The following CBFA2T3 variants were observed in gnomAD, a reference collection of about 807,000 sequenced individuals.
CBFA2T3 encodes the protein transcriptional corepressor CBFA2T3.
CBFA2T3 carries 31 observed loss-of-function variants against 58.6 expected under a neutral mutation model. The ratio of observed to expected loss-of-function variants is 0.53; its 90% confidence interval spans 0.40 to 0.71. The LOEUF is 0.71. CBFA2T3 is among the 30% of genes least tolerant of loss of function. CBFA2T3 has a pLI of 0.00. For synonymous variants in CBFA2T3, 531 were observed against 421.9 expected (o/e 1.26, Z -3.17); for missense variants, 1,076 against 963.1 (o/e 1.12, Z -1.55).
At chr16:88,919,870 C>A (rs1389522750) in intron 1 of CBFA2T3, among the ~76,000 whole-genome samples, 2 of 152,224 alleles carry the variant, frequency 1.3e-5, no homozygotes, top group African/African-American at 4.8e-5. Flanking sequence ...GCCTCGGTTC[C>A]TTCATCTGCA....
chr16:88,962,846 T>C (rs1298563432), intron 1 of CBFA2T3, among the ~76,000 whole-genome samples: 1 of 152,198 alleles, frequency 6.6e-6, no homozygotes, highest in African/African-American at 2.4e-5. Flanking sequence ...CTGCACGGCT[T>C]CTGAGCACCG....
chr16:88,975,458 G>A (rs528738426), intron 1 of CBFA2T3, among the ~76,000 whole-genome samples: 40 of 152,354 alleles, frequency 2.6e-4, no homozygotes, highest in Admixed American at 5.9e-4. Context: ...GGAGCAGGTC[G>A]GAAGGGTCTG....
chr16:88,976,102 C>T lies in CBFA2T3; in HGVS notation c.151+555G>A, dbSNP rs73256262. Among the ~76,000 whole-genome samples, 1,171 of 152,318 alleles carry T rather than the reference C, an allele frequency of 7.7e-3. 17 individuals are homozygous for T. Among genetic ancestry groups the T allele is most frequent in the African/African-American group, 0.027 (1,130 of 41,574 alleles). On this transcript the variant is annotated intron_variant, in intron 1 of 11. Coordinates refer to ENST00000268679, the MANE Select transcript of CBFA2T3 (RefSeq NM_005187.6). Reference sequence around the variant, plus strand: ...CTGGACTGGACCCCTCCCCAGAGCCCGAAGCCCCCAGAAGGGCAGGCCCAG... The same window carrying T: ...CTGGACTGGACCCCTCCCCAGAGCCTGAAGCCCCCAGAAGGGCAGGCCCAG...
At chr16:88,939,680 G>C (rs1251777942) in intron 1 of CBFA2T3, 1 of 152,320 alleles carries the variant, frequency 6.6e-6, no homozygotes, top group African/African-American at 2.4e-5. Context: ...AGACTGGAGC[G>C]GGGGCAAAGG....
chr16:88,960,544 T>G (rs1209934205), intron 1 of CBFA2T3, among the ~76,000 whole-genome samples: 2 of 152,238 alleles, frequency 1.3e-5, no homozygotes, highest in East Asian at 3.8e-4. Context: ...GAATCTCAAT[T>G]TTCCTTATGA....
At chr16:88,917,448 C>T (rs1392144293) in intron 1 of CBFA2T3, among the ~76,000 whole-genome samples, 2 of 152,196 alleles carry the variant, frequency 1.3e-5, no homozygotes, top group African/African-American at 4.8e-5. Flanking sequence ...GCAGGGCCTG[C>T]AGGGAAGGCT....
chr16:88,964,834 C>T (rs970218334), intron 1 of CBFA2T3, among the ~76,000 whole-genome samples: 1 of 151,494 alleles, frequency 6.6e-6, no homozygotes, highest in Non-Finnish European at 1.5e-5. Context: ...ATCTATCTAT[C>T]CACCCACCCA....
intron 1 of CBFA2T3, among the ~76,000 whole-genome samples, chr16:88,947,196 A>G (rs953460936): frequency 1.3e-5 from 2 of 152,282 alleles, no homozygotes; most frequent in African/African-American, 4.8e-5. Flanking sequence ...AGTCGGAAAG[A>G]GTAATGAGAA....
chr16:88,902,071 G>T (rs1449304126), intron 1 of CBFA2T3, among the ~76,000 whole-genome samples: 1 of 152,234 alleles, frequency 6.6e-6, no homozygotes, highest in African/African-American at 2.4e-5. Context: ...GATTCAGCAG[G>T]TCAGGCTGAG....
At chr16:88,962,553 A>C (rs1972392450) in intron 1 of CBFA2T3, among the ~76,000 whole-genome samples, 1 of 152,106 alleles carries the variant, frequency 6.6e-6, no homozygotes, top group Admixed American at 6.6e-5. Flanking sequence ...GGCCCAGGCC[A>C]CTCTGCACCC....
intron 1 of CBFA2T3, among the ~76,000 whole-genome samples, chr16:88,910,878 T>TCCCTGC (rs1364686275): frequency 2.2e-5 from 3 of 134,102 alleles, no homozygotes; most frequent in African/African-American, 5.1e-5. Context: ...GGCGGCTCCC[T>TCCCTGC]CCCCTGCCCC....
chr16:88,966,960 C>A (rs1369680970), intron 1 of CBFA2T3, among the ~76,000 whole-genome samples: 1 of 152,236 alleles, frequency 6.6e-6, no homozygotes, highest in East Asian at 1.9e-4. Flanking sequence ...TGGCCAATGT[C>A]TTGTGTTTGC....
chr16:88,976,786 C>T lies in CBFA2T3; in HGVS notation c.22G>A (p.Asp8Asn), dbSNP rs1200465625. 6.4e-7 allele frequency: 1 copy of T among 1,555,442 alleles called. No individual in the cohort carries two copies. The highest frequency in any genetic ancestry group is 8.7e-7 in the Non-Finnish European group (1 of 1,149,138). The change falls in exon 1 of 12, where the codon GAC (aspartate) becomes AAC (asparagine). Residue 8 changes from aspartate (D) to asparagine (N), a missense_variant. By Grantham distance (23) the Asp-to-Asn change is conservative (BLOSUM62 1). Transcript: ENST00000268679. MPASRLR[D>N]RAASSASGST... ...CCCGAGGCTGAACTGGCTGCCCTGT[C>T]CCTCAGTCTTGAAGCCGGCATGAGG... is the stretch of plus-strand genomic sequence containing the variant.
intron 1 of CBFA2T3, among the ~76,000 whole-genome samples, chr16:88,970,484 G>T (rs1028176249): frequency 6.6e-6 from 1 of 152,198 alleles, no homozygotes; most frequent in Non-Finnish European, 1.5e-5. Context: ...CCCCAGCCCC[G>T]CTGTGTGAGC....
At chr16:88,889,110 C>T (rs1164057606) in intron 5 of CBFA2T3, among the ~76,000 whole-genome samples, 1 of 151,192 alleles carries the variant, frequency 6.6e-6, no homozygotes, top group Non-Finnish European at 1.5e-5. Context: ...CGCACTGTGT[C>T]CCCAAAGACT....
rs1290989436 is a variant in CBFA2T3, at chr16:88,885,387, G to T, written c.894-118C>A. On this transcript the variant is annotated intron_variant, in intron 6 of 11. Coordinates refer to ENST00000268679, the MANE Select transcript of CBFA2T3 (RefSeq NM_005187.6). The surrounding 1 kb of genome is among the most constrained non-coding windows in gnomAD (Gnocchi z 5.3). The stretch of plus-strand genomic sequence containing the variant: ...AGAGAGAAAGAGGACACGTAAGGGC[G>T]AGACAGAAACACGGAGCAAAACACC... The T allele has an allele frequency of 4.3e-5, 28 of 652,822 alleles. No individual in the cohort carries two copies. In the Admixed American group the frequency reaches 8.8e-4, roughly 21 times the overall value. 40.4% of individuals were successfully genotyped at this position (652,822 alleles called of 1,614,324 possible).
At chr16:88,974,570 C>A (rs112253959) in intron 1 of CBFA2T3, among the ~76,000 whole-genome samples, 1 of 152,208 alleles carries the variant, frequency 6.6e-6, no homozygotes, top group Admixed American at 6.5e-5. Context: ...CTGCTCAGTA[C>A]GCCTTTGGTC....
At chr16:88,903,436 C>T (rs1054138426) in intron 1 of CBFA2T3, among the ~76,000 whole-genome samples, 5 of 152,134 alleles carry the variant, frequency 3.3e-5, no homozygotes, top group African/African-American at 7.2e-5. Flanking sequence ...ACAGGCCTCG[C>T]GGCACCTGCT....
chr16:88,892,068 C>A, intron 4 of CBFA2T3, 97 bp from the exon 5 acceptor site: 2 of 1,364,992 alleles, frequency 1.5e-6, no homozygotes, highest in Non-Finnish European at 1.0e-6. Flanking sequence ...GTGTTGGAGG[C>A]AGGCAGGCAG....
Sources: gnomAD v4.1 joint callset for allele counts (sites outside exome capture counted in the v4.1 genomes callset) on GRCh38, gnomAD v4.1.1 for gene constraint, Gnocchi (gnomAD v3.1) non-coding constraint, MANE v1.5 for transcripts, NCBI Gene and HGNC (gene_info 2026-07-23, HGNC 2026-07-21) for gene names.